Variants in TUBGCP2 observed in about 807,000 individuals in gnomAD.
The protein encoded by TUBGCP2 is tubulin gamma complex component 2, also known as gamma-tubulin complex component 2.
In TUBGCP2, 55 loss-of-function variants were observed where a neutral mutation model predicts 92.2. The ratio of observed to expected loss-of-function variants is 0.60; its 90% CI spans 0.48 to 0.75. The LOEUF (loss-of-function observed/expected upper bound fraction) is 0.75, where lower values mean the gene tolerates loss of function less well. TUBGCP2 is among the 30% of genes least tolerant of loss of function. The pLI, the probability that TUBGCP2 is intolerant of heterozygous loss-of-function variation, is 0.00. For missense variants in TUBGCP2, 1,093 were observed against 1,188.9 expected, an observed-to-expected ratio of 0.92 and a Z score of 1.19; for synonymous variants, 533 against 505.2, an observed-to-expected ratio of 1.06 and a Z score of -0.74.
At position 133,285,575 on chromosome 10, in the gene TUBGCP2, G is replaced by T. The variant is rs749219985; in HGVS notation, c.1776C>A (p.Ile592=). The change falls in exon 12 of 18, where the codon ATC becomes ATA. Residue 592 remains isoleucine (I), a synonymous_variant. Transcript: ENST00000252936. The surrounding 1 kb of genome is among the most constrained non-coding windows in gnomAD (Gnocchi z 6.8). ...LITQLLRVLA[I]ETKQEKAMAH... ...CCATCGCCTTCTCCTGCTTGGTCTCGATGGCCAGGACGCGCAAGAGCTGAG... is the reference window on the plus strand; with the variant it reads ...CCATCGCCTTCTCCTGCTTGGTCTCTATGGCCAGGACGCGCAAGAGCTGAG... 1 of 1,558,674 alleles carries T rather than the reference G, an allele frequency of 6.4e-7. No individual in the cohort carries two copies. Among genetic ancestry groups the T allele is most frequent in the Non-Finnish European group, 8.7e-7 (1 of 1,149,904 alleles).
In TUBGCP2 at chr10:133,279,605, G is replaced by A. The variant is rs1846913412; in HGVS notation, c.*161C>T. ...CCTGCCTGGGCAGCTTCTATAAAAC[G>A]AAACCCAGCGCCTTGAGAAACAAAG... On this transcript the variant is annotated 3_prime_UTR_variant, in exon 18 of 18. Coordinates refer to ENST00000252936, the MANE Select transcript of TUBGCP2 (RefSeq NM_006659.4). The A allele has an allele frequency of 4.3e-6, 5 of 1,175,436 alleles. No individual in the cohort carries two copies. Among genetic ancestry groups the A allele is most frequent in the Admixed American group, 7.5e-5 (2 of 26,492 alleles). The allele number at this position is 1,175,436 out of a possible 1,614,324, so 72.8% of individuals were successfully genotyped here. A position where few individuals can be genotyped will look rare whatever the true frequency, so the allele number is the denominator to read the frequency against.
upstream of TUBGCP2, chr10:133,310,355 A>C: frequency 6.3e-7 from 1 of 1,598,474 alleles, no homozygotes; most frequent in East Asian, 2.2e-5. Context: ...AACTAGCCGG[A>C]ATGCATAGAC....
chr10:133,310,794 TC>T (rs1231290507), upstream of TUBGCP2, among the ~76,000 whole-genome samples: 1 of 152,058 alleles, frequency 6.6e-6, no homozygotes, highest in Non-Finnish European at 1.5e-5. Flanking sequence ...GGGAAATACT[TC>T]CAGGAACAAT....
chr10:133,307,345 C>T lies in TUBGCP2; in HGVS notation c.-40+1478G>A, dbSNP rs577059019. Among the ~76,000 whole-genome samples the T allele has an allele frequency of 7.2e-5, 11 of 152,320 alleles. 1 individual carries two copies. In the South Asian group the frequency reaches 1.9e-3, roughly 26 times the overall value. ...CATGTCACACTCCACCACGGACAAGCGGGGCACACACTCCTAGTGAGCACA... is the reference window on the plus strand; with the variant it reads ...CATGTCACACTCCACCACGGACAAGTGGGGCACACACTCCTAGTGAGCACA... On this transcript the variant is annotated intron_variant, in intron 1 of 17. Transcript: ENST00000252936.
At chr10:133,308,730 T>C (rs1450294770) in intron 1 of TUBGCP2, 93 bp downstream of exon 1, 2 of 320,148 alleles carry the variant, frequency 6.2e-6, no homozygotes, top group East Asian at 9.9e-5. Flanking sequence ...AAGAGCCGCG[T>C]CCCGCCAGCC....
Position 133,285,667 on chromosome 10 carries a change from A to G in TUBGCP2, c.1723-39T>C, listed in dbSNP as rs755832360. On this transcript the variant is annotated intron_variant, in intron 11 of 17. Transcript: ENST00000252936. The surrounding 1 kb of genome is among the most constrained non-coding windows in gnomAD (Gnocchi z 6.8). ...AAATGAAACAAAGCATCCAGTTTTA[A>G]GGAAAAGACCCGAAGTCGCATCCCG... is the stretch of plus-strand genomic sequence containing the variant. The G allele has an allele frequency of 6.7e-7, 1 of 1,487,958 alleles. No homozygotes were observed. Among genetic ancestry groups the G allele is most frequent in the Non-Finnish European group, 8.9e-7 (1 of 1,120,268 alleles). The allele number at this position is 1,487,958 out of a possible 1,614,324, so 92.2% of individuals were successfully genotyped here. A position where few individuals can be genotyped will look rare whatever the true frequency, so the allele number is the denominator to read the frequency against.
intron 5 of TUBGCP2, 119 bp downstream of exon 5, chr10:133,297,833 C>A: frequency 1.4e-6 from 2 of 1,461,672 alleles, no homozygotes; most frequent in East Asian, 4.6e-5. Context: ...GAGGGCTGGG[C>A]CTGCAAAGTG....
At chr10:133,309,222 C>A, upstream of TUBGCP2, 1 of 712,532 alleles carries the variant, frequency 1.4e-6, no homozygotes, top group Non-Finnish European at 1.8e-6. Flanking sequence ...CTGGGACAGG[C>A]GGGACCTGAG....
At chr10:133,307,994 A>C (rs3008355) in intron 1 of TUBGCP2, among the ~76,000 whole-genome samples, 41,705 of 152,104 alleles carry the variant, frequency 0.27, 7,330 homozygotes, top group African/African-American at 0.5. Flanking sequence ...GCCTGCAGTT[A>C]CAGCTCTTTG....
In TUBGCP2 at chr10:133,289,852, C is replaced by T. The variant is rs767822415; in HGVS notation, c.1332G>A (p.Gln444=). 3 of 1,614,210 alleles carry T rather than the reference C, an allele frequency of 1.9e-6. No homozygotes were observed. The highest frequency in any genetic ancestry group is 1.7e-5 in the Admixed American group (1 of 60,032). The change falls in exon 9 of 18, where the codon CAG becomes CAA. Residue 444 remains glutamine, a synonymous_variant. Transcript: ENST00000252936. The part of the protein sequence containing the change: ...IVQQQIPSFL[Q]KMADKILSTG... ...TGCTGAGGATCTTGTCCGCCATTTT[C>T]TGCAGGAAGGACGGGATCTGCTGCT... is the stretch of plus-strand genomic sequence containing the variant.
Position 133,279,815 on chromosome 10 carries a change from AG to A in TUBGCP2, c.2659del (p.Leu887CysfsTer21), listed in dbSNP as rs776180848. ...SQKATPQVPV[L>X]RGPPAPAPRV... ...GGGTGCAGGAGCCGGGGGCCCCCGC[AG>A]GACAGGCACTTGGGGGGTGGCCTTC... is the stretch of plus-strand genomic sequence containing the variant. On this transcript the variant is annotated frameshift_variant, in exon 18 of 18. Transcript: ENST00000252936. LOFTEE classifies it high-confidence loss of function. 7 of 1,586,218 alleles carry A rather than the reference AG, an allele frequency of 4.4e-6. No individual in the cohort carries two copies. The highest frequency in any genetic ancestry group is 5.1e-6 in the Non-Finnish European group (6 of 1,167,092).
Position 133,293,195 on chromosome 10 carries a change from G to A in TUBGCP2, c.868C>T (p.His290Tyr). The A allele has an allele frequency of 6.2e-7, 1 of 1,613,860 alleles. No individual in the cohort carries two copies. Residue 290 changes from histidine (H) to tyrosine (Y), a missense_variant, in exon 7 of 18, where the codon CAC becomes TAC. His to Tyr is a moderately conservative substitution (Grantham distance 83, BLOSUM62 2). Transcript: ENST00000252936. ...KSSFEYGQVN[H>Y]ALAAAMRTLV... ...GTGCGCATGGCGGCCGCCAGGGCGT[G>A]GTTCACCTGCCCGTACTCGAAGGAA...
In TUBGCP2 at chr10:133,297,894, C is replaced by T. The variant is rs542776659; in HGVS notation, c.616+58G>A. On this transcript the variant is annotated intron_variant, in intron 5 of 17. Coordinates refer to ENST00000252936, the MANE Select transcript of TUBGCP2 (RefSeq NM_006659.4). ...ACATGACATACCTATCGGCAGAGCC[C>T]GGAAATCAACGCATCACGTACCTAT... 2.6e-4 allele frequency: 421 copies of T among 1,591,394 alleles called. 6 individuals carry two copies. In the South Asian group the frequency reaches 4.2e-3, roughly 16 times the overall value.
At position 133,299,622 on chromosome 10, in the gene TUBGCP2, G is replaced by T; in HGVS notation, c.280-19C>A. 6.3e-7 allele frequency: 1 copy of T among 1,575,788 alleles called. No individual in the cohort carries two copies. Among genetic ancestry groups the T allele is most frequent in the East Asian group, 2.3e-5 (1 of 44,356 alleles). ...GCAGAGTCTGAAAACATGTAAAACT[G>T]TGTGTTCACACTGGGCCAGCACCTC... On this transcript the variant is annotated intron_variant, in intron 3 of 17. Transcript: ENST00000252936.
At chr10:133,296,696 C>T (rs959447531) in intron 5 of TUBGCP2, among the ~76,000 whole-genome samples, 1 of 152,124 alleles carries the variant, frequency 6.6e-6, no homozygotes, top group African/African-American at 2.4e-5. Flanking sequence ...AGGCTGGTCT[C>T]GAATTCCTGG....
Position 133,279,265 on chromosome 10 carries a change from G to A in TUBGCP2, c.*501C>T, listed in dbSNP as rs1564932262. 6.5e-6 allele frequency: 1 copy of A among 154,940 alleles called. No homozygotes were observed. Among genetic ancestry groups the A allele is most frequent in the Non-Finnish European group, 1.4e-5 (1 of 69,616 alleles). The allele number at this position is 154,940 out of a possible 1,614,324, so 9.6% of individuals were successfully genotyped here. ...GCAGCAGCAGGAGGAGGGTCGTGGAGGCGGGTGAGTCCTCAGGAGAAGGAA... is the reference window on the plus strand; with the variant it reads ...GCAGCAGCAGGAGGAGGGTCGTGGAAGCGGGTGAGTCCTCAGGAGAAGGAA... On this transcript the variant is annotated 3_prime_UTR_variant, in exon 18 of 18. Transcript: ENST00000252936.
upstream of TUBGCP2, chr10:133,309,077 G>C (rs1847917053): frequency 3.1e-6 from 4 of 1,301,374 alleles, no homozygotes; most frequent in Admixed American, 1.5e-4. Context: ...CGCTTCCCGC[G>C]GGAGCACCAG....
intron 1 of TUBGCP2, among the ~76,000 whole-genome samples, chr10:133,303,582 A>G (rs1847732889): frequency 1.3e-5 from 2 of 152,222 alleles, no homozygotes; most frequent in Admixed American, 6.5e-5. Flanking sequence ...AGCCATTGAC[A>G]CTGTGCCAGC....
At chr10:133,290,225 T>A in intron 8 of TUBGCP2, 1 of 452,910 alleles carries the variant, frequency 2.2e-6, no homozygotes, top group Non-Finnish European at 4.1e-6. Flanking sequence ...CCGGGCACAG[T>A]GGCTCACGCC....
Sources: allele counts gnomAD v4.1 joint callset (sites outside exome capture counted in the v4.1 genomes callset), GRCh38; gene constraint gnomAD v4.1.1; non-coding constraint Gnocchi (gnomAD v3.1); transcripts MANE v1.5; gene names NCBI Gene and HGNC (gene_info 2026-07-23, HGNC 2026-07-21).